The following ZNF518A variants were observed in gnomAD, a reference collection of about 807,000 sequenced individuals.
ZNF518A encodes zinc finger protein 518.
In ZNF518A, 47 loss-of-function variants were observed where a neutral mutation model predicts 102.7. The observed-to-expected ratio is 0.46, with a 90% CI of 0.36 to 0.58. ZNF518A has a LOEUF of 0.58. Among genes scored for constraint, ZNF518A ranks in the 20% least tolerant of loss-of-function variants. The pLI is 0.00. For missense variants in ZNF518A, 1,793 were observed against 1,699.8 expected (o/e 1.05, Z -0.96); for synonymous variants, 652 against 594.6 (o/e 1.10, Z -1.40).
At position 96,163,733 on chromosome 10, in the gene ZNF518A, A is replaced by G. The variant is rs1261664962; in HGVS notation, c.*2959A>G. The stretch of plus-strand genomic sequence containing the variant: ...AATATGTAAATGAATTAGTGTGGCT[A>G]TGTTTTAATAAAACAATTTATAAAA... On this transcript the variant is annotated 3_prime_UTR_variant, in exon 6 of 6. Transcript: ENST00000316045. The G allele has an allele frequency of 6.0e-6, 1 of 167,074 alleles. No individual in the cohort carries two copies. 10.3% of individuals were successfully genotyped at this position (167,074 alleles called of 1,614,324 possible).
At chr10:96,199,917 G>A in intron 1 of ZNF518A, 1 of 370,404 alleles carries the variant, frequency 2.7e-6, no homozygotes, top group African/African-American at 2.2e-5. Context: ...CCAGCTGCTT[G>A]GGAGGCTGAG....
intron 1 of ZNF518A, among the ~76,000 whole-genome samples, chr10:96,173,123 G>A (rs2083183091): frequency 6.6e-6 from 1 of 152,104 alleles, no homozygotes; most frequent in South Asian, 2.1e-4. Flanking sequence ...ATATTTGTAG[G>A]TTATGTGTGA....
chr10:96,191,111 G>A (rs1027541492), intron 1 of ZNF518A, among the ~76,000 whole-genome samples: 1 of 152,080 alleles, frequency 6.6e-6, no homozygotes, highest in Non-Finnish European at 1.5e-5. Context: ...TTTTATAAAG[G>A]GCAGTTCCCC....
chr10:96,136,515 A>G (rs2081605436), intron 3 of ZNF518A, among the ~76,000 whole-genome samples: 1 of 151,744 alleles, frequency 6.6e-6, no homozygotes, highest in Non-Finnish European at 1.5e-5. Flanking sequence ...ATGTAAAAAC[A>G]TTTAAAGGCG....
downstream of ZNF518A, among the ~76,000 whole-genome samples, chr10:96,166,077 A>G (rs1160718965): frequency 1.3e-5 from 2 of 152,206 alleles, no homozygotes; most frequent in Non-Finnish European, 1.5e-5. Flanking sequence ...GTCCAAGGGC[A>G]TGAAAATAAA....
intron 1 of ZNF518A, among the ~76,000 whole-genome samples, chr10:96,188,290 T>C (rs2083284647): frequency 6.6e-6 from 1 of 152,218 alleles, no homozygotes. Flanking sequence ...TCTCCCAGCT[T>C]TGGGGAGGAG....
chr10:96,192,214 C>G, intron 1 of ZNF518A: 1 of 1,360,280 alleles, frequency 7.4e-7, no homozygotes, highest in South Asian at 1.2e-5. Flanking sequence ...TGACATTCTG[C>G]ACAAAAAAAT....
intron 3 of ZNF518A, among the ~76,000 whole-genome samples, chr10:96,145,742 T>G (rs782490747): frequency 2.0e-5 from 3 of 152,224 alleles, no homozygotes; most frequent in Non-Finnish European, 4.4e-5. Context: ...TATTTTGAGT[T>G]TAAGAAAAAC....
intron 1 of ZNF518A, among the ~76,000 whole-genome samples, chr10:96,177,039 A>G (rs1020268177): frequency 6.6e-6 from 1 of 150,584 alleles, no homozygotes; most frequent in Non-Finnish European, 1.5e-5. Flanking sequence ...ATCATGCCAC[A>G]CTGCACTCCA....
rs2082960287 is a variant in ZNF518A at position 96,160,615 on chromosome 10, A to G, written c.4293A>G (p.Lys1431=). ...VLKLTLKKTS[K]NNYQIVKTTS... is the part of the protein sequence containing the mutation. The stretch of plus-strand genomic sequence containing the variant: ...AATTAACACTCAAAAAGACAAGCAA[A>G]AACAATTACCAGATTGTGAAGACTA... The change falls in exon 6 of 6, where the codon AAA becomes AAG. Residue 1431 remains lysine (K), a synonymous_variant. Coordinates refer to ENST00000316045, the MANE Select transcript of ZNF518A (RefSeq NM_001330736.2). 4 of 1,612,780 alleles carry G rather than the reference A, an allele frequency of 2.5e-6. No homozygotes were observed. Among genetic ancestry groups the G allele is most frequent in the Non-Finnish European group, 3.4e-6 (4 of 1,179,436 alleles).
At chr10:96,149,653 A>C (rs1377514807) in intron 3 of ZNF518A, among the ~76,000 whole-genome samples, 1 of 152,156 alleles carries the variant, frequency 6.6e-6, no homozygotes, top group Non-Finnish European at 1.5e-5. Flanking sequence ...TAGCTTTCCC[A>C]GCTGTCTGCA....
At chr10:96,132,388 T>C (rs1213843935) in intron 1 of ZNF518A, among the ~76,000 whole-genome samples, 198 bp from the exon 2 acceptor site, 1 of 152,008 alleles carries the variant, frequency 6.6e-6, no homozygotes, top group East Asian at 1.9e-4. Flanking sequence ...AGATTGATTC[T>C]AAGCTTTAGG....
chr10:96,172,562 G>C (rs1304768585), intron 1 of ZNF518A, among the ~76,000 whole-genome samples: 6 of 151,888 alleles, frequency 4.0e-5, no homozygotes, highest in Non-Finnish European at 7.4e-5. Context: ...GTGGGGGAGG[G>C]AACAGAGCCA....
Position 96,159,030 on chromosome 10 carries a change from A to G in ZNF518A, c.2708A>G (p.Asp903Gly). 1 of 1,613,708 alleles carries G rather than the reference A, an allele frequency of 6.2e-7. No individual in the cohort carries two copies. Among genetic ancestry groups the G allele is most frequent in the Non-Finnish European group, 8.5e-7 (1 of 1,179,756 alleles). The change falls in exon 6 of 6, where the codon GAC becomes GGC. Residue 903 changes from aspartate to glycine, a missense_variant. This residue lies in a region of ZNF518A where 1,741 missense variants were observed against 1,622.6 expected (regional missense o/e 1.07). Transcript: ENST00000316045. ...DAIITQQLVK[D>G]KLRATTQNLG... ...ATAATAACACAGCAGCTTGTAAAAG[A>G]CAAACTACGAGCCACCACACAAAAT...
chr10:96,196,108 G>A (rs2083458592), intron 1 of ZNF518A, among the ~76,000 whole-genome samples: 1 of 152,172 alleles, frequency 6.6e-6, no homozygotes, highest in South Asian at 2.1e-4. Flanking sequence ...TTTTTCTGAA[G>A]GAATCTTGAA....
rs782769242 is a variant in ZNF518A, at chr10:96,156,735, A to G, written c.413A>G (p.His138Arg). ...TRYSPNDLQKHFQMWHHGELP... is the reference protein window; with the variant it reads ...TRYSPNDLQKRFQMWHHGELP... ...TATAGCCCAAATGATTTGCAGAAAC[A>G]CTTTCAAATGTGGCACCATGGCGAA... is the stretch of plus-strand genomic sequence containing the variant. Residue 138 changes from histidine to arginine, a missense_variant, in exon 6 of 6, where the codon CAC becomes CGC. Physicochemically the swap from His to Arg is conservative, Grantham distance 29. Around this residue, in one of 3 missense-constraint regions of ZNF518A, gnomAD observed 1,741 missense variants for 1,622.6 expected, o/e 1.07. Transcript: ENST00000316045. The G allele has an allele frequency of 6.2e-7, 1 of 1,613,932 alleles. No individual in the cohort carries two copies. The highest frequency in any genetic ancestry group is 8.5e-7 in the Non-Finnish European group (1 of 1,179,810).
chr10:96,174,135 A>G (rs2083189670), intron 1 of ZNF518A, among the ~76,000 whole-genome samples: 1 of 152,128 alleles, frequency 6.6e-6, no homozygotes, highest in African/African-American at 2.4e-5. Flanking sequence ...TAAAAAATAA[A>G]AAAACTTACT....
Position 96,158,924 on chromosome 10 carries a change from A to G in ZNF518A, c.2602A>G (p.Ile868Val), listed in dbSNP as rs2082849878. The G allele has an allele frequency of 1.9e-6, 3 of 1,613,610 alleles. No individual in the cohort carries two copies. The highest frequency in any genetic ancestry group is 2.5e-6 in the Non-Finnish European group (3 of 1,179,736). The change falls in exon 6 of 6, where the codon ATA (isoleucine) becomes GTA (valine). Residue 868 changes from isoleucine to valine, a missense_variant. Around this residue, in one of 3 missense-constraint regions of ZNF518A, gnomAD observed 1,741 missense variants for 1,622.6 expected, o/e 1.07. Coordinates refer to ENST00000316045, the MANE Select transcript of ZNF518A (RefSeq NM_001330736.2). ...KFGKEKQVSS[I>V]PQDVRDSEKM... ...TGGAAAAGAAAAACAAGTGTCATCA[A>G]TACCACAAGATGTGAGAGATTCAGA...
chr10:96,189,255 G>A (rs868914315), intron 1 of ZNF518A: 8 of 400,754 alleles, frequency 2.0e-5, no homozygotes, highest in South Asian at 6.5e-5. Context: ...ATTAAACACA[G>A]TAGGGAAAGT....
Sources: allele counts gnomAD v4.1 joint callset (sites outside exome capture counted in the v4.1 genomes callset), GRCh38; gene constraint gnomAD v4.1.1; regional missense constraint gnomAD v4.1.1; transcripts MANE v1.5; gene names NCBI Gene and HGNC (gene_info 2026-07-23, HGNC 2026-07-21).